Variants in CNTNAP2 observed in about 807,000 individuals in gnomAD.
The protein encoded by CNTNAP2 is contactin-associated protein-like 2.
In CNTNAP2, 98 loss-of-function variants were observed where a neutral mutation model predicts 155.2. The observed-to-expected ratio is 0.63, with a 90% confidence interval of 0.54 to 0.75. The LOEUF is 0.75. Ranked by LOEUF, CNTNAP2 falls within the 30% of genes least tolerant of loss-of-function variation. The pLI is 0.00. For missense variants in CNTNAP2, 1,727 were observed against 1,688.1 expected (o/e 1.02, Z -0.40); for synonymous variants, 651 against 631.2 (o/e 1.03, Z -0.47).
chr7:147,009,492 T>A (rs1468390673), intron 3 of CNTNAP2, among the ~76,000 whole-genome samples: 1 of 152,204 alleles, frequency 6.6e-6, no homozygotes, highest in Admixed American at 6.6e-5. Context: ...TTTATTTCAC[T>A]TGGAGTTGTG....
intron 7 of CNTNAP2, among the ~76,000 whole-genome samples, chr7:147,132,038 A>G (rs1801385464): frequency 6.6e-6 from 1 of 152,106 alleles, no homozygotes; most frequent in African/African-American, 2.4e-5. Flanking sequence ...TAGACAGCCA[A>G]CTGCTGCTCA....
At chr7:146,490,847 T>C (rs1307501617) in intron 1 of CNTNAP2, among the ~76,000 whole-genome samples, 5 of 152,210 alleles carry the variant, frequency 3.3e-5, no homozygotes, top group Middle Eastern at 3.2e-3. Context: ...AGATTCTATA[T>C]CTATCATGGG....
At chr7:146,495,757 C>T (rs570705181) in intron 1 of CNTNAP2, among the ~76,000 whole-genome samples, 64 of 143,448 alleles carry the variant, frequency 4.5e-4, no homozygotes, top group African/African-American at 1.6e-3. Flanking sequence ...GAAGTGTAGA[C>T]GATGGTGAAG....
intron 13 of CNTNAP2, among the ~76,000 whole-genome samples, chr7:147,764,267 C>T (rs1370816099): frequency 1.3e-5 from 2 of 152,142 alleles, no homozygotes; most frequent in Non-Finnish European, 2.9e-5. Flanking sequence ...GTCAACTGCT[C>T]CTCAGTGGCC....
intron 12 of CNTNAP2, among the ~76,000 whole-genome samples, chr7:147,598,763 G>A (rs1470460312): frequency 1.3e-5 from 2 of 152,134 alleles, no homozygotes; most frequent in Non-Finnish European, 2.9e-5. Context: ...GTACCTAGTG[G>A]GAGTTAATTG....
At chr7:146,653,375 A>C (rs1585026351) in intron 1 of CNTNAP2, among the ~76,000 whole-genome samples, 2 of 152,278 alleles carry the variant, frequency 1.3e-5, no homozygotes, top group East Asian at 3.9e-4. Flanking sequence ...GGCACCCCAA[A>C]ATATAATAGC....
chr7:147,327,215 T>G (rs370350221), intron 9 of CNTNAP2, among the ~76,000 whole-genome samples: 1 of 152,206 alleles, frequency 6.6e-6, no homozygotes, highest in Non-Finnish European at 1.5e-5. Context: ...CTGAGCATTT[T>G]GCTGAACTTA....
At chr7:146,891,294 G>C (rs768907600) in intron 3 of CNTNAP2, among the ~76,000 whole-genome samples, 6 of 151,918 alleles carry the variant, frequency 3.9e-5, no homozygotes, top group Admixed American at 6.6e-5. Context: ...CTACTTATTG[G>C]GTACTGTGAT....
At chr7:147,782,770 T>C (rs1797678497) in intron 13 of CNTNAP2, among the ~76,000 whole-genome samples, 1 of 152,184 alleles carries the variant, frequency 6.6e-6, no homozygotes, top group Non-Finnish European at 1.5e-5. Context: ...CCATAATCAT[T>C]GCTCCACCCG....
intron 21 of CNTNAP2, among the ~76,000 whole-genome samples, chr7:148,298,509 G>A (rs1346808539): frequency 6.6e-6 from 1 of 151,876 alleles, no homozygotes; most frequent in African/African-American, 2.4e-5. Flanking sequence ...TGATTAGATG[G>A]TGCCCACCCA....
intron 14 of CNTNAP2, among the ~76,000 whole-genome samples, chr7:147,972,692 C>T (rs1801354427): frequency 6.6e-6 from 1 of 152,100 alleles, no homozygotes; most frequent in Non-Finnish European, 1.5e-5. Flanking sequence ...AGAATTTTTC[C>T]AATGTACAAG....
chr7:146,355,882 A>G (rs1182633724), intron 1 of CNTNAP2, among the ~76,000 whole-genome samples: 1 of 152,096 alleles, frequency 6.6e-6, no homozygotes, highest in Non-Finnish European at 1.5e-5. Context: ...TAAGTACTCT[A>G]CATTTTGTAA....
At chr7:147,384,884 T>C (rs2116937994) in intron 9 of CNTNAP2, among the ~76,000 whole-genome samples, 1 of 152,330 alleles carries the variant, frequency 6.6e-6, no homozygotes, top group East Asian at 1.9e-4. Flanking sequence ...TTTGAAAATG[T>C]CCTTGTATTA....
intron 8 of CNTNAP2, among the ~76,000 whole-genome samples, chr7:147,288,327 C>T (rs1043731596): frequency 2.0e-5 from 3 of 152,180 alleles, no homozygotes; most frequent in Middle Eastern, 3.2e-3. Flanking sequence ...TGTGTGTCTT[C>T]TTTACTCTTA....
chr7:148,070,567 A>T (rs1803361701), intron 15 of CNTNAP2, among the ~76,000 whole-genome samples: 1 of 152,184 alleles, frequency 6.6e-6, no homozygotes, highest in African/African-American at 2.4e-5. Flanking sequence ...AAATACAAAA[A>T]TTAGCCAGGC....
At chr7:146,211,519 T>A (rs1221762455) in intron 1 of CNTNAP2, among the ~76,000 whole-genome samples, 1 of 152,176 alleles carries the variant, frequency 6.6e-6, no homozygotes. Flanking sequence ...CTTAGATGTA[T>A]TTTTGTTTTC....
intron 18 of CNTNAP2, among the ~76,000 whole-genome samples, chr7:148,197,145 A>G (rs1230951119): frequency 6.6e-6 from 1 of 152,230 alleles, no homozygotes; most frequent in Non-Finnish European, 1.5e-5. Flanking sequence ...ACAACCTACT[A>G]TAAATTTACT....
chr7:146,906,541 C>G (rs1203320961), intron 3 of CNTNAP2, among the ~76,000 whole-genome samples: 1 of 152,074 alleles, frequency 6.6e-6, no homozygotes, highest in Non-Finnish European at 1.5e-5. Flanking sequence ...AGCAGGGGCA[C>G]ACTGACACCT....
chr7:148,172,984 T>G (rs1464497261), intron 18 of CNTNAP2, among the ~76,000 whole-genome samples: 1 of 152,192 alleles, frequency 6.6e-6, no homozygotes, highest in African/African-American at 2.4e-5. Flanking sequence ...TTATTATTAC[T>G]CTTACTCAGG....
Sources: allele counts gnomAD v4.1 joint callset (sites outside exome capture counted in the v4.1 genomes callset), GRCh38; gene constraint gnomAD v4.1.1; transcripts MANE v1.5; gene names NCBI Gene and HGNC (gene_info 2026-07-23, HGNC 2026-07-21).